Variants in FMNL2 observed in about 807,000 individuals in gnomAD.
FMNL2 encodes the protein formin-like protein 2.
A neutral mutation model predicts 130.2 loss-of-function variants in FMNL2; 51 were observed. The observed-to-expected ratio is 0.39, with a 90% CI of 0.31 to 0.49. The LOEUF (loss-of-function observed/expected upper bound fraction) is 0.49, where lower values mean the gene tolerates loss of function less well. Among genes scored for constraint, FMNL2 ranks in the 20% least tolerant of loss-of-function variants. The probability of loss-of-function intolerance (pLI) is 0.85; values close to 1 mark genes in which losing one functional copy is unlikely to be tolerated. For synonymous variants in FMNL2, 465 were observed against 467.1 expected (o/e 1.00, Z 0.06); for missense variants, 977 against 1,316.2 (o/e 0.74, Z 3.99).
chr2:152,523,602 G>A (rs1362474307), intron 2 of FMNL2, among the ~76,000 whole-genome samples: 1 of 152,182 alleles, frequency 6.6e-6, no homozygotes, highest in Non-Finnish European at 1.5e-5. Flanking sequence ...TGTTCTCTAT[G>A]CTATAGGCAT....
At chr2:152,588,612 C>A (rs1697217455) in intron 9 of FMNL2, among the ~76,000 whole-genome samples, 7 of 152,000 alleles carry the variant, frequency 4.6e-5, no homozygotes, top group Admixed American at 4.6e-4. Flanking sequence ...GCCTGTCACA[C>A]CAGATAAAAA....
chr2:152,549,815 A>G (rs1014049891), intron 4 of FMNL2, among the ~76,000 whole-genome samples: 5 of 152,160 alleles, frequency 3.3e-5, no homozygotes, highest in Admixed American at 2.0e-4. Context: ...CAGGTATCCT[A>G]TTTTGTAGCC....
rs183000584 is a variant in FMNL2, at chr2:152,480,981, C to A, written c.118-40962C>A. Among the ~76,000 whole-genome samples, 7 of 152,310 alleles carry A rather than the reference C, an allele frequency of 4.6e-5. No homozygotes were observed. In the East Asian group the frequency reaches 1.3e-3, roughly 29 times the overall value. The stretch of plus-strand genomic sequence containing the variant: ...ATTTCAGAGTCTCTCTCTACACATT[C>A]ATTGGATTTTGCAAGATATGTCTGT... On this transcript the variant is annotated intron_variant, in intron 1 of 25. Coordinates refer to ENST00000288670, the MANE Select transcript of FMNL2 (RefSeq NM_052905.4).
intron 24 of FMNL2, 44 bp from the exon 25 acceptor site, chr2:152,640,747 A>T: frequency 6.3e-7 from 1 of 1,597,616 alleles, no homozygotes; most frequent in Non-Finnish European, 8.5e-7. Context: ...ACAAACTCCT[A>T]ATGGGTGCTG....
In FMNL2 at chr2:152,636,420, G is replaced by C. The variant is rs762848463; in HGVS notation, c.2681-7G>C. On this transcript the variant is annotated splice_region_variant and splice_polypyrimidine_tract_variant and intron_variant, in intron 21 of 25. Coordinates refer to ENST00000288670, the MANE Select transcript of FMNL2 (RefSeq NM_052905.4). ...AGTTTCACTGGGATGTTCTTTCTCT[G>C]CTTTAGTCTCCCTTGAGAATGTTTT... 6.2e-7 allele frequency: 1 copy of C among 1,608,366 alleles called. No homozygotes were observed. Among genetic ancestry groups the C allele is most frequent in the African/African-American group, 1.3e-5 (1 of 74,982 alleles).
chr2:152,593,096 G>A (rs1324698777), intron 9 of FMNL2, among the ~76,000 whole-genome samples: 1 of 152,082 alleles, frequency 6.6e-6, no homozygotes, highest in African/African-American at 2.4e-5. Context: ...TGTCTCAAAG[G>A]CAGCATAAGT....
intron 6 of FMNL2, among the ~76,000 whole-genome samples, chr2:152,572,584 G>A (rs900453846): frequency 3.3e-5 from 5 of 151,956 alleles, no homozygotes; most frequent in African/African-American, 9.7e-5. Flanking sequence ...CCAGGAATTC[G>A]ATACCCACCT....
chr2:152,645,854 G>T (rs1327578559), intron 25 of FMNL2, among the ~76,000 whole-genome samples: 1 of 152,116 alleles, frequency 6.6e-6, no homozygotes, highest in African/African-American at 2.4e-5. Context: ...TCCTGGCCAG[G>T]TAACATTACA....
chr2:152,421,578 C>T (rs1003628441), intron 1 of FMNL2, among the ~76,000 whole-genome samples: 1 of 152,148 alleles, frequency 6.6e-6, no homozygotes. Flanking sequence ...ATTCTGCCTC[C>T]CAAAATCCTC....
intron 1 of FMNL2, among the ~76,000 whole-genome samples, chr2:152,489,422 T>C (rs1236504422): frequency 6.6e-6 from 1 of 152,174 alleles, no homozygotes; most frequent in East Asian, 1.9e-4. Context: ...GATGTAGAAA[T>C]GCCTCACACT....
intron 9 of FMNL2, among the ~76,000 whole-genome samples, chr2:152,602,785 C>T (rs1051667793): frequency 5.3e-5 from 8 of 152,114 alleles, no homozygotes; most frequent in African/African-American, 1.4e-4. Flanking sequence ...ATGAAGCGCT[C>T]GAGTTCATTC....
chr2:152,351,163 T>C lies in FMNL2; in HGVS notation c.117+15443T>C, dbSNP rs181996097. The stretch of plus-strand genomic sequence containing the variant: ...CCATGAAAGTACATGTTCAATTCTG[T>C]AGTGAAACAACCCTAGAAAGCAATT... On this transcript the variant is annotated intron_variant, in intron 1 of 25. Coordinates refer to ENST00000288670, the MANE Select transcript of FMNL2 (RefSeq NM_052905.4). 3.8e-3 allele frequency among the ~76,000 whole-genome samples: 573 copies of C among 152,328 alleles called. 3 individuals are homozygous for C. Among genetic ancestry groups the C allele is most frequent in the Non-Finnish European group, 3.5e-3 (238 of 68,030 alleles).
At chr2:152,629,248 C>G (rs1006656630) in intron 18 of FMNL2, among the ~76,000 whole-genome samples, 2 of 151,872 alleles carry the variant, frequency 1.3e-5, no homozygotes, top group Non-Finnish European at 2.9e-5. Context: ...GTTATATTCC[C>G]CTCCCTTTTT....
chr2:152,427,462 G>A (rs957976014), intron 1 of FMNL2, among the ~76,000 whole-genome samples: 1 of 152,164 alleles, frequency 6.6e-6, no homozygotes, highest in African/African-American at 2.4e-5. Flanking sequence ...CAGGAGAATC[G>A]CTTGAACCCT....
chr2:152,361,168 C>T (rs73967829), intron 1 of FMNL2, among the ~76,000 whole-genome samples: 1 of 151,756 alleles, frequency 6.6e-6, no homozygotes, highest in African/African-American at 2.4e-5. Context: ...TTGTAAAAGG[C>T]TTTTTTTTAT....
At chr2:152,523,734 G>A (rs1383435918) in intron 2 of FMNL2, among the ~76,000 whole-genome samples, 1 of 152,054 alleles carries the variant, frequency 6.6e-6, no homozygotes. Flanking sequence ...TATTTAATTT[G>A]GGGCATCCAT....
chr2:152,389,226 G>A (rs1399925839), intron 1 of FMNL2, among the ~76,000 whole-genome samples: 1 of 152,128 alleles, frequency 6.6e-6, no homozygotes, highest in Non-Finnish European at 1.5e-5. Flanking sequence ...ATTTCTCATG[G>A]TTCTGGAGAC....
chr2:152,548,731 G>A (rs1694781933), intron 3 of FMNL2, among the ~76,000 whole-genome samples: 1 of 152,150 alleles, frequency 6.6e-6, no homozygotes, highest in Non-Finnish European at 1.5e-5. Flanking sequence ...GGTAGTACTG[G>A]GGTCCCTGAC....
intron 1 of FMNL2, among the ~76,000 whole-genome samples, chr2:152,383,994 G>A (rs931524105): frequency 2.0e-5 from 3 of 152,070 alleles, no homozygotes; most frequent in African/African-American, 7.2e-5. Flanking sequence ...TAGGAACTAT[G>A]TCTAGTAAAA....
Sources: gnomAD v4.1 joint callset for allele counts (sites outside exome capture counted in the v4.1 genomes callset) on GRCh38, gnomAD v4.1.1 for gene constraint, MANE v1.5 for transcripts, NCBI Gene and HGNC (gene_info 2026-07-23, HGNC 2026-07-21) for gene names.